STX3: variants seen among roughly 807,000 people sequenced by gnomAD.
STX3 encodes the protein syntaxin 3.
In STX3, 19 loss-of-function variants were observed where a neutral mutation model predicts 40.2. The ratio of observed to expected loss-of-function variants is 0.47; its 90% CI spans 0.33 to 0.69. The LOEUF (loss-of-function observed/expected upper bound fraction) is 0.69, where lower values mean the gene tolerates loss of function less well. Among genes scored for constraint, STX3 ranks in the 30% least tolerant of loss-of-function variants. The pLI, the probability that STX3 is intolerant of heterozygous loss-of-function variation, is 0.02. For synonymous variants in STX3, 122 were observed against 132.2 expected (o/e 0.92, Z 0.53); for missense variants, 364 against 366.7 (o/e 0.99, Z 0.06).
At chr11:59,777,010 T>C (rs79310061) in intron 2 of STX3, among the ~76,000 whole-genome samples, 1,990 of 152,342 alleles carry the variant, frequency 0.013, 56 homozygotes, top group Admixed American at 0.066. Context: ...TCAAAGTATT[T>C]GAGCGCTTAC....
intron 5 of STX3, 44 bp downstream of exon 5, chr11:59,790,630 A>T: frequency 6.9e-7 from 1 of 1,449,546 alleles, no homozygotes; most frequent in Non-Finnish European, 9.7e-7. Context: ...CCAATCTCTT[A>T]TTGTTTTCCC....
In STX3 at chr11:59,802,720, G is replaced by T; in HGVS notation, c.*1896G>T. On this transcript the variant is annotated 3_prime_UTR_variant, in exon 11 of 11. Coordinates refer to ENST00000337979, the MANE Select transcript of STX3 (RefSeq NM_004177.5). ...TTGATTGTGAAACGGTTCTGGCTCTGTCTCGATGCAGAAACACAATGATCT... is the reference window on the plus strand; with the variant it reads ...TTGATTGTGAAACGGTTCTGGCTCTTTCTCGATGCAGAAACACAATGATCT... 2 of 985,942 alleles carry T rather than the reference G, an allele frequency of 2.0e-6. No individual in the cohort carries two copies. The highest frequency in any genetic ancestry group is 2.4e-6 in the Non-Finnish European group (2 of 830,038). The allele number at this position is 985,942 out of a possible 1,614,324, so 61.1% of individuals were successfully genotyped here. A position where few individuals can be genotyped will look rare whatever the true frequency, so the allele number is the denominator to read the frequency against.
At chr11:59,790,451 T>A in intron 4 of STX3, 68 bp from the exon 5 acceptor site, 2 of 1,257,834 alleles carry the variant, frequency 1.6e-6, no homozygotes, top group Non-Finnish European at 2.3e-6. Flanking sequence ...AGTGAGGAAG[T>A]TTCACTGAAT....
intron 2 of STX3, among the ~76,000 whole-genome samples, chr11:59,782,970 G>T (rs1015339194): frequency 2.0e-5 from 3 of 151,612 alleles, no homozygotes; most frequent in African/African-American, 7.3e-5. Flanking sequence ...CTGCACTCTA[G>T]CCTGGGCAAC....
chr11:59,783,561 A>C (rs918764483), intron 2 of STX3, among the ~76,000 whole-genome samples: 2 of 152,218 alleles, frequency 1.3e-5, no homozygotes, highest in East Asian at 3.8e-4. Flanking sequence ...TTTAGATGTC[A>C]GTATACTTAA....
chr11:59,796,674 C>T (rs7119530), intron 9 of STX3, among the ~76,000 whole-genome samples: 6,543 of 152,240 alleles, frequency 0.043, 180 homozygotes, highest in African/African-American at 0.049. Context: ...TTTATCTTGG[C>T]CAACTGCTCC....
chr11:59,787,295 G>C (rs990925802), intron 3 of STX3, among the ~76,000 whole-genome samples, 159 bp downstream of exon 3: 4 of 152,080 alleles, frequency 2.6e-5, no homozygotes, highest in African/African-American at 9.7e-5. Context: ...CCTTACCTGA[G>C]CTCCTACTGC....
At chr11:59,784,256 C>CT (rs1864613318) in intron 2 of STX3, among the ~76,000 whole-genome samples, 2 of 152,250 alleles carry the variant, frequency 1.3e-5, no homozygotes, top group South Asian at 2.1e-4. Flanking sequence ...CATGCAAAAT[C>CT]TAAGTCCTTC....
At position 59,801,136 on chromosome 11, in the gene STX3, A is replaced by G; in HGVS notation, c.*312A>G. The G allele has an allele frequency of 3.0e-6, 4 of 1,332,012 alleles. No homozygotes were observed. The highest frequency in any genetic ancestry group is 3.8e-6 in the Non-Finnish European group (4 of 1,039,260). The allele number at this position is 1,332,012 out of a possible 1,614,324, so 82.5% of individuals were successfully genotyped here. A position where few individuals can be genotyped will look rare whatever the true frequency, so the allele number is the denominator to read the frequency against. The stretch of plus-strand genomic sequence containing the variant: ...CTTCCTCCCTGTTGTGTGTCAGATT[A>G]TGCCTTGCACTTGGGAAAGCTCTTG... On this transcript the variant is annotated 3_prime_UTR_variant, in exon 11 of 11. Coordinates refer to ENST00000337979, the MANE Select transcript of STX3 (RefSeq NM_004177.5).
At chr11:59,785,949 C>T (rs7947036) in intron 2 of STX3, among the ~76,000 whole-genome samples, 4 of 152,008 alleles carry the variant, frequency 2.6e-5, no homozygotes, top group South Asian at 4.1e-4. Flanking sequence ...ACCTATGAAG[C>T]GGGGAGCTGA....
chr11:59,763,216 A>C (rs923762750), intron 1 of STX3, among the ~76,000 whole-genome samples: 1 of 152,186 alleles, frequency 6.6e-6, no homozygotes, highest in Admixed American at 6.5e-5. Context: ...TCTCTGAGTT[A>C]ATGAAGGAGT....
intron 1 of STX3, among the ~76,000 whole-genome samples, chr11:59,756,414 T>A (rs1459951761): frequency 6.6e-6 from 1 of 152,210 alleles, no homozygotes; most frequent in Non-Finnish European, 1.5e-5. Flanking sequence ...ATTCATTGAC[T>A]CATTCAGTAC....
chr11:59,799,610 T>G, intron 10 of STX3: 2 of 979,458 alleles, frequency 2.0e-6, no homozygotes, highest in Non-Finnish European at 2.4e-6. Context: ...TAAACATTTT[T>G]AAGACTTGGC....
intron 10 of STX3, chr11:59,799,808 T>C: frequency 4.1e-6 from 4 of 985,400 alleles, no homozygotes; most frequent in Non-Finnish European, 4.8e-6. Context: ...AGACAGGTGG[T>C]TGGTTGATTT....
intron 2 of STX3, among the ~76,000 whole-genome samples, chr11:59,786,286 C>T (rs1336876693): frequency 6.8e-6 from 1 of 147,386 alleles, no homozygotes; most frequent in Non-Finnish European, 1.5e-5. Context: ...GTCGTCCAGG[C>T]TGGAGTGCAG....
chr11:59,784,532 G>A (rs967377944), intron 2 of STX3, among the ~76,000 whole-genome samples: 1 of 152,166 alleles, frequency 6.6e-6, no homozygotes, highest in African/African-American at 2.4e-5. Context: ...ACCTGAGACT[G>A]GGCAATTTAC....
At position 59,805,514 on chromosome 11, in the gene STX3, C is replaced by T. The variant is rs1866057510; in HGVS notation, c.*4690C>T. On this transcript the variant is annotated 3_prime_UTR_variant, in exon 11 of 11. Transcript: ENST00000337979. ...TTGATATTTCTATTAATTTGTGCTT[C>T]CTTTAGTTTTAATAGGGGATAGAAG... The T allele has an allele frequency of 6.6e-6, 1 of 152,132 alleles. No individual in the cohort carries two copies. The highest frequency in any genetic ancestry group is 2.4e-5 in the African/African-American group (1 of 41,412). The allele number at this position is 152,132 out of a possible 1,614,324, so 9.4% of individuals were successfully genotyped here.
Position 59,788,913 on chromosome 11 carries a change from GAAA to G in STX3, c.257_259del (p.Lys86del). ...TAGAGCAGCTCACGACTGAGATTAAGAAAAGGGCCAACAACGTCCGGAACAAAC... is the reference window on the plus strand; with the variant it reads ...TAGAGCAGCTCACGACTGAGATTAAGAGGGCCAACAACGTCCGGAACAAAC... On this transcript the variant is annotated inframe_deletion, in exon 4 of 11. Coordinates refer to ENST00000337979, the MANE Select transcript of STX3 (RefSeq NM_004177.5). 1 of 1,612,238 alleles carries G rather than the reference GAAA, an allele frequency of 6.2e-7. No individual in the cohort carries two copies. Among genetic ancestry groups the G allele is most frequent in the East Asian group, 2.2e-5 (1 of 44,866 alleles).
chr11:59,763,984 C>T (rs1863163243), intron 1 of STX3, among the ~76,000 whole-genome samples: 1 of 151,412 alleles, frequency 6.6e-6, no homozygotes, highest in African/African-American at 2.4e-5. Context: ...AGCCATTGCA[C>T]TCCAGCCTGG....
Sources: allele counts gnomAD v4.1 joint callset (sites outside exome capture counted in the v4.1 genomes callset), GRCh38; gene constraint gnomAD v4.1.1; transcripts MANE v1.5; gene names NCBI Gene and HGNC (gene_info 2026-07-23, HGNC 2026-07-21).